GSG1L: variants seen among roughly 807,000 people sequenced by gnomAD.
GSG1L encodes the protein GSG1 like, also known as germ cell-specific gene 1-like protein.
A neutral mutation model predicts 42.1 loss-of-function variants in GSG1L; 24 were observed. The observed-to-expected ratio is 0.57, with a 90% CI of 0.41 to 0.80. The LOEUF (loss-of-function observed/expected upper bound fraction) is 0.80. Ranked by LOEUF, GSG1L falls within the 30% of genes least tolerant of loss-of-function variation. The pLI is 0.00. For synonymous variants in GSG1L, 215 were observed against 203.5 expected (o/e 1.06, Z -0.48); for missense variants, 445 against 472.2 (o/e 0.94, Z 0.53).
At chr16:27,818,074 C>T (rs1206588030) in intron 5 of GSG1L, among the ~76,000 whole-genome samples, 1 of 152,210 alleles carries the variant, frequency 6.6e-6, no homozygotes, top group Non-Finnish European at 1.5e-5. Context: ...AGCAGGCTTC[C>T]AGGTGAGGCC....
chr16:28,013,078 G>A (rs2085741327), intron 1 of GSG1L, among the ~76,000 whole-genome samples: 1 of 151,816 alleles, frequency 6.6e-6, no homozygotes, highest in Admixed American at 6.6e-5. Flanking sequence ...CAAAAAATTA[G>A]CCGTGCATGG....
chr16:27,989,362 A>C (rs2085427986), intron 1 of GSG1L, among the ~76,000 whole-genome samples: 1 of 152,202 alleles, frequency 6.6e-6, no homozygotes, highest in South Asian at 2.1e-4. Context: ...TCTAAACTTA[A>C]GTCTTCTTGA....
intron 2 of GSG1L, among the ~76,000 whole-genome samples, chr16:27,950,823 TC>T (rs1369730163): frequency 6.6e-6 from 1 of 152,112 alleles, no homozygotes; most frequent in Non-Finnish European, 1.5e-5. Flanking sequence ...TACTGGGACT[TC>T]CTCTGACACC....
intron 3 of GSG1L, among the ~76,000 whole-genome samples, chr16:27,853,058 C>T (rs2083533939): frequency 6.6e-6 from 1 of 152,216 alleles, no homozygotes; most frequent in Non-Finnish European, 1.5e-5. Context: ...CAATTAATAT[C>T]AGCCCCAGAA....
intron 1 of GSG1L, among the ~76,000 whole-genome samples, chr16:28,034,515 T>G (rs2086010732): frequency 6.6e-6 from 1 of 152,188 alleles, no homozygotes; most frequent in Non-Finnish European, 1.5e-5. Flanking sequence ...TTTCAGTATC[T>G]CTCTCAACTT....
At chr16:27,987,016 A>C (rs550297839) in intron 1 of GSG1L, among the ~76,000 whole-genome samples, 65 of 152,342 alleles carry the variant, frequency 4.3e-4, no homozygotes, top group African/African-American at 1.5e-3. Flanking sequence ...CAGGAGTTCG[A>C]GACCCACCTG....
intron 1 of GSG1L, among the ~76,000 whole-genome samples, chr16:28,061,506 G>A (rs963656640): frequency 2.6e-5 from 4 of 152,072 alleles, no homozygotes; most frequent in African/African-American, 7.2e-5. Context: ...AGGCAGCACC[G>A]CAGGAAGCCT....
At chr16:27,888,557 T>G (rs368419247) in intron 2 of GSG1L, among the ~76,000 whole-genome samples, 1 of 80,448 alleles carries the variant, frequency 1.2e-5, no homozygotes. Flanking sequence ...CTTTCTTTCT[T>G]TCTTTCTTTC....
chr16:27,861,424 A>T (rs1038857781), intron 3 of GSG1L, among the ~76,000 whole-genome samples: 1 of 152,054 alleles, frequency 6.6e-6, no homozygotes, highest in African/African-American at 2.4e-5. Context: ...GGGAGTGTCA[A>T]CTCTGCGAGG....
At chr16:27,906,462 G>A (rs907708442) in intron 2 of GSG1L, among the ~76,000 whole-genome samples, 2 of 152,122 alleles carry the variant, frequency 1.3e-5, no homozygotes, top group Admixed American at 6.5e-5. Flanking sequence ...TGGCCTTCCT[G>A]GTTCTTACCC....
At chr16:27,909,889 G>A (rs2084364527) in intron 2 of GSG1L, among the ~76,000 whole-genome samples, 1 of 151,368 alleles carries the variant, frequency 6.6e-6, no homozygotes, top group African/African-American at 2.4e-5. Context: ...AGAACATCAA[G>A]GTTCGGGGAA....
chr16:27,910,164 T>C (rs143972506), intron 2 of GSG1L, among the ~76,000 whole-genome samples: 1,516 of 149,420 alleles, frequency 0.01, 32 homozygotes, highest in African/African-American at 0.035. Context: ...GTTTTCACCA[T>C]GTTGGCCAGG....
intron 2 of GSG1L, among the ~76,000 whole-genome samples, chr16:27,942,147 C>CTTTTTTT (rs34617355): frequency 6.0e-5 from 7 of 115,974 alleles, no homozygotes; most frequent in Middle Eastern, 4.8e-3. Flanking sequence ...AAAACTTCTT[C>CTTTTTTT]TTTTTTTTTT....
chr16:28,020,514 C>T (rs988561954), intron 1 of GSG1L, among the ~76,000 whole-genome samples: 1 of 152,130 alleles, frequency 6.6e-6, no homozygotes, highest in Non-Finnish European at 1.5e-5. Flanking sequence ...TTAATCCTCA[C>T]AAAAACTCTA....
chr16:27,903,434 G>C (rs1223178792), intron 2 of GSG1L, among the ~76,000 whole-genome samples: 1 of 152,190 alleles, frequency 6.6e-6, no homozygotes, highest in Admixed American at 6.5e-5. Flanking sequence ...CAAGACAGGG[G>C]AGAGGAGACA....
chr16:28,046,921 T>C (rs1441245712), intron 1 of GSG1L, among the ~76,000 whole-genome samples: 7 of 152,238 alleles, frequency 4.6e-5, no homozygotes, highest in East Asian at 3.9e-4. Context: ...AGTTTGCTTC[T>C]TTGTGTATCA....
At chr16:27,889,649 GCTCTGGCTAAGACAA>G (rs1230196171) in intron 2 of GSG1L, among the ~76,000 whole-genome samples, 1 of 152,108 alleles carries the variant, frequency 6.6e-6, no homozygotes, top group Non-Finnish European at 1.5e-5. Flanking sequence ...CTGTCCTGTG[GCTCTGGCTAAGACAA>G]CTCTGAGCTG....
intron 4 of GSG1L, among the ~76,000 whole-genome samples, chr16:27,835,672 A>T (rs563934250): frequency 6.6e-6 from 1 of 151,886 alleles, no homozygotes; most frequent in Non-Finnish European, 1.5e-5. Context: ...GTATCTCTGT[A>T]TATAGCTTTT....
At chr16:27,850,647 G>T (rs551885059) in intron 3 of GSG1L, 218 of 452,820 alleles carry the variant, frequency 4.8e-4, no homozygotes, top group African/African-American at 3.8e-3. Flanking sequence ...AGAAGAGGAG[G>T]AGGGTAAATG....
Sources: allele counts gnomAD v4.1 joint callset (sites outside exome capture counted in the v4.1 genomes callset), GRCh38; gene constraint gnomAD v4.1.1; transcripts MANE v1.5; gene names NCBI Gene and HGNC (gene_info 2026-07-23, HGNC 2026-07-21).